The following KIAA0319 variants were observed in gnomAD, a reference collection of about 807,000 sequenced individuals.
The protein encoded by KIAA0319 is dyslexia-associated protein KIAA0319.
In KIAA0319, 83 loss-of-function variants were observed where a neutral mutation model predicts 108.4. The ratio of observed to expected loss-of-function variants is 0.77; its 90% CI spans 0.64 to 0.92. The LOEUF (loss-of-function observed/expected upper bound fraction) is 0.92, where lower values mean the gene tolerates loss of function less well. Among genes scored for constraint, KIAA0319 ranks in the 40% least tolerant of loss-of-function variants. The pLI is 0.00. For missense variants in KIAA0319, 1,195 were observed against 1,322.4 expected (o/e 0.90, Z 1.49); for synonymous variants, 484 against 510.4 (o/e 0.95, Z 0.70).
chr6:24,619,250 G>T (rs1773585938), intron 1 of KIAA0319, among the ~76,000 whole-genome samples: 1 of 152,184 alleles, frequency 6.6e-6, no homozygotes, highest in African/African-American at 2.4e-5. Flanking sequence ...AGAGAGTATA[G>T]CAATCAAAGG....
intron 13 of KIAA0319, among the ~76,000 whole-genome samples, chr6:24,568,492 T>C (rs1172060842): frequency 6.6e-6 from 1 of 152,216 alleles, no homozygotes; most frequent in Non-Finnish European, 1.5e-5. Context: ...AAAAAAAGCA[T>C]AATGGTGTCA....
Position 24,601,266 on chromosome 6 carries a change from T to A in KIAA0319, c.-105-58A>T, listed in dbSNP as rs531081331. 95 of 1,441,190 alleles carry A rather than the reference T, an allele frequency of 6.6e-5. No individual in the cohort carries two copies. In the African/African-American group the frequency reaches 1.2e-3, roughly 19 times the overall value. The allele number at this position is 1,441,190 out of a possible 1,614,324, so 89.3% of individuals were successfully genotyped here. ...AAAAGAATAGGTAAATGTAGAAACA[T>A]CCAAAATTATTTCTATCATTCATTC... On this transcript the variant is annotated intron_variant, in intron 1 of 20. Transcript: ENST00000378214.
At chr6:24,634,062 GATAA>G (rs1271949001) in intron 1 of KIAA0319, among the ~76,000 whole-genome samples, 2 of 152,108 alleles carry the variant, frequency 1.3e-5, no homozygotes, top group Non-Finnish European at 2.9e-5. Flanking sequence ...TCAAAGGCAA[GATAA>G]ATAAACACAA....
intron 1 of KIAA0319, among the ~76,000 whole-genome samples, chr6:24,635,908 G>C (rs577624443): frequency 6.6e-6 from 1 of 152,326 alleles, no homozygotes; most frequent in African/African-American, 2.4e-5. Flanking sequence ...ACAGGCAAGT[G>C]GGTAGGCATC....
chr6:24,598,641 C>T (rs1398313643), intron 2 of KIAA0319: 3 of 297,932 alleles, frequency 1.0e-5, no homozygotes, highest in Admixed American at 4.2e-5. Context: ...TTTGGGAGGC[C>T]GAGGTGGGTG....
At chr6:24,570,394 C>T (rs1234488732) in intron 11 of KIAA0319, among the ~76,000 whole-genome samples, 1 of 152,096 alleles carries the variant, frequency 6.6e-6, no homozygotes, top group African/African-American at 2.4e-5. Context: ...CAAGACCATC[C>T]TGGCTAACAC....
At chr6:24,540,525 G>C (rs373619684), downstream of KIAA0319, among the ~76,000 whole-genome samples, 77 of 152,286 alleles carry the variant, frequency 5.1e-4, 1 homozygote, top group South Asian at 0.01. Flanking sequence ...ATCATCTTTA[G>C]GAGAATGGAG....
rs1472026110 is a variant in KIAA0319, at chr6:24,596,105, C to A, written c.569G>T (p.Gly190Val). The A allele has an allele frequency of 3.1e-6, 5 of 1,613,992 alleles. No individual in the cohort carries two copies. Among genetic ancestry groups the A allele is most frequent in the Non-Finnish European group, 4.2e-6 (5 of 1,180,000 alleles). ...AGAGGAGTTGAAGGCCCCCTCGCTG[C>A]CCGGCAGTAGGCCCCAGTCCGTGTA... ...AEYTDWGLLP[G>V]SEGAFNSSVG... Residue 190 changes from glycine to valine, a missense_variant, in exon 3 of 21, where the codon GGC becomes GTC. Physicochemically the swap from Gly to Val is moderately radical, Grantham distance 109. Transcript: ENST00000378214.
At chr6:24,598,986 T>A in intron 2 of KIAA0319, 2 of 664,980 alleles carry the variant, frequency 3.0e-6, no homozygotes, top group Non-Finnish European at 5.5e-6. Flanking sequence ...GCTGGAGGAG[T>A]CTCGCCTGGA....
intron 1 of KIAA0319, among the ~76,000 whole-genome samples, chr6:24,641,190 G>A (rs62402864): frequency 0.027 from 4,072 of 152,262 alleles, 65 homozygotes; most frequent in Non-Finnish European, 0.038. Context: ...TTCACTTAGC[G>A]TAATGCCTTC....
At chr6:24,566,515 G>A (rs956380802) in intron 14 of KIAA0319, 82 bp downstream of exon 14, 10 of 1,213,026 alleles carry the variant, frequency 8.2e-6, no homozygotes, top group Admixed American at 4.8e-5. Flanking sequence ...AGAATATACC[G>A]TGATATATTG....
At chr6:24,639,443 T>C (rs1776630354) in intron 1 of KIAA0319, among the ~76,000 whole-genome samples, 1 of 152,180 alleles carries the variant, frequency 6.6e-6, no homozygotes, top group Admixed American at 6.5e-5. Context: ...AGAGTAATAA[T>C]AAAATAAAGG....
intron 2 of KIAA0319, 70 bp downstream of exon 2, chr6:24,600,979 A>T: frequency 6.3e-7 from 1 of 1,595,086 alleles, no homozygotes; most frequent in Non-Finnish European, 8.6e-7. Context: ...CCTCAGGTTG[A>T]TCTGAGTTGC....
chr6:24,586,516 A>C (rs1767515505), intron 4 of KIAA0319, among the ~76,000 whole-genome samples: 2 of 152,202 alleles, frequency 1.3e-5, no homozygotes, highest in African/African-American at 4.8e-5. Flanking sequence ...ACAAATCTGC[A>C]TAATGAACCT....
chr6:24,601,266 T>C, intron 1 of KIAA0319, 58 bp from the exon 2 acceptor site: 1 of 1,441,188 alleles, frequency 6.9e-7, no homozygotes, highest in East Asian at 2.5e-5. Context: ...TGTAGAAACA[T>C]CCAAAATTAT....
downstream of KIAA0319, among the ~76,000 whole-genome samples, chr6:24,540,392 G>T (rs1003703420): frequency 2.6e-5 from 4 of 152,156 alleles, no homozygotes; most frequent in Non-Finnish European, 5.9e-5. Flanking sequence ...ATTATCTCAT[G>T]GGTCCATAAA....
intron 2 of KIAA0319, chr6:24,600,819 A>G: frequency 2.6e-6 from 2 of 755,174 alleles, no homozygotes; most frequent in Non-Finnish European, 4.2e-6. Flanking sequence ...CCTAGTATAT[A>G]TGAAATGTGA....
intron 17 of KIAA0319, among the ~76,000 whole-genome samples, chr6:24,557,800 TGCTGTG>T (rs113557096): frequency 0.29 from 44,102 of 151,406 alleles, 7,658 homozygotes; most frequent in African/African-American, 0.49. Context: ...GTTGCTATGT[TGCTGTG>T]GCTGGTCTCA....
chr6:24,577,528 C>T (rs983797347), intron 9 of KIAA0319, among the ~76,000 whole-genome samples: 4 of 152,190 alleles, frequency 2.6e-5, no homozygotes, highest in African/African-American at 9.7e-5. Flanking sequence ...GTCACTTCAT[C>T]CTTCTACGTT....
Sources: gnomAD v4.1 joint callset for allele counts (sites outside exome capture counted in the v4.1 genomes callset) on GRCh38, gnomAD v4.1.1 for gene constraint, MANE v1.5 for transcripts, NCBI Gene and HGNC (gene_info 2026-07-23, HGNC 2026-07-21) for gene names.